The following TERB1 variants were observed in gnomAD, a reference collection of about 807,000 sequenced individuals.
TERB1 encodes telomere repeats-binding bouquet formation protein 1.
In TERB1, 63 loss-of-function variants were observed where a neutral mutation model predicts 92.3. That is an observed-to-expected ratio of 0.68 (90% confidence interval 0.56 to 0.84). The LOEUF (loss-of-function observed/expected upper bound fraction) is 0.84. TERB1 is among the 40% of genes least tolerant of loss of function. The pLI, the probability that TERB1 is intolerant of heterozygous loss-of-function variation, is 0.00. For missense variants in TERB1, 709 were observed against 843.7 expected (o/e 0.84, Z 1.98); for synonymous variants, 252 against 283.9 (o/e 0.89, Z 1.13).
In TERB1 at chr16:66,762,318, C is replaced by T. The variant is rs186883908; in HGVS notation, c.1781-3028G>A. Among the ~76,000 whole-genome samples the T allele has an allele frequency of 2.8e-3, 423 of 152,340 alleles. 1 individual carries two copies. Among genetic ancestry groups the T allele is most frequent in the African/African-American group, 9.9e-3 (411 of 41,586 alleles). Reference sequence around the variant, plus strand: ...ACTGGATTATGACACCTGGAATTTACATTAAAGTATCATTTCATCTGTAAA... The same window carrying T: ...ACTGGATTATGACACCTGGAATTTATATTAAAGTATCATTTCATCTGTAAA... On this transcript the variant is annotated intron_variant, in intron 16 of 18. Coordinates refer to ENST00000433154, the MANE Select transcript of TERB1 (RefSeq NM_001136505.2).
rs576168320 is a variant in TERB1, at chr16:66,781,113, G to A, written c.701-2098C>T. 2.6e-5 allele frequency among the ~76,000 whole-genome samples: 4 copies of A among 152,286 alleles called. No individual in the cohort carries two copies. The South Asian group carries it at 6.2e-4, about 24-fold the overall frequency. ...GTCACCCAGGCTGGAGTGCAGTAGC[G>A]TGATCGTGGCTTACTGTAAGCTTGA... is the stretch of plus-strand genomic sequence containing the variant. On this transcript the variant is annotated intron_variant, in intron 9 of 18. Transcript: ENST00000433154.
At chr16:66,787,615 T>C (rs2018750917) in intron 6 of TERB1, among the ~76,000 whole-genome samples, 1 of 152,184 alleles carries the variant, frequency 6.6e-6, no homozygotes, top group African/African-American at 2.4e-5. Context: ...TGTAACTAAA[T>C]GGTCAATTCA....
intron 12 of TERB1, 38 bp from the exon 13 acceptor site, chr16:66,772,787 T>A: frequency 6.9e-7 from 1 of 1,454,438 alleles, no homozygotes; most frequent in African/African-American, 1.4e-5. Flanking sequence ...TGAAAAGTTA[T>A]TTAAACACTT....
chr16:66,776,329 CAAAAAAA>C (rs377113453), intron 11 of TERB1, among the ~76,000 whole-genome samples: 1 of 89,346 alleles, frequency 1.1e-5, no homozygotes, highest in Non-Finnish European at 2.6e-5. Flanking sequence ...AACTCCGTCT[CAAAAAAA>C]AAAAAAAAGA....
At chr16:66,789,583 C>CAA (rs1168904056) in intron 5 of TERB1, among the ~76,000 whole-genome samples, 60 of 5,662 alleles carry the variant, frequency 0.011, 26 homozygotes, top group South Asian at 0.032. Flanking sequence ...GACTCCGTCT[C>CAA]AAAAAAAAAA....
chr16:66,787,283 C>CTTTTTTT (rs58213946), intron 6 of TERB1, among the ~76,000 whole-genome samples: 4 of 137,890 alleles, frequency 2.9e-5, no homozygotes, highest in Non-Finnish European at 6.3e-5. Flanking sequence ...TTTTCTTTTT[C>CTTTTTTT]TTTTTTTTTT....
chr16:66,785,764 C>T (rs1457015286), intron 9 of TERB1, 22 bp downstream of exon 9: 1 of 1,500,488 alleles, frequency 6.7e-7, no homozygotes, highest in Middle Eastern at 1.7e-4. Context: ...CAACTATGAC[C>T]TAGAAAATAA....
intron 11 of TERB1, among the ~76,000 whole-genome samples, chr16:66,775,482 A>C (rs1318361218): frequency 6.6e-6 from 1 of 151,980 alleles, no homozygotes; most frequent in Non-Finnish European, 1.5e-5. Context: ...AAAAATACAA[A>C]AATTAGCCAG....
intron 2 of TERB1, among the ~76,000 whole-genome samples, chr16:66,799,280 T>G (rs950125605): frequency 6.6e-6 from 1 of 152,252 alleles, no homozygotes; most frequent in East Asian, 1.9e-4. Flanking sequence ...CAGGCTGGAG[T>G]GCAGTGGTGT....
At chr16:66,781,295 G>A (rs1290451366) in intron 9 of TERB1, among the ~76,000 whole-genome samples, 1 of 152,136 alleles carries the variant, frequency 6.6e-6, no homozygotes, top group African/African-American at 2.4e-5. Flanking sequence ...GGGCTCAAGC[G>A]ATTCTCCCTC....
intron 9 of TERB1, among the ~76,000 whole-genome samples, chr16:66,783,146 A>C (rs1051967612): frequency 2.6e-5 from 4 of 152,164 alleles, no homozygotes; most frequent in African/African-American, 9.7e-5. Context: ...AAGGCACTAC[A>C]CCTAGTCTCT....
chr16:66,767,259 A>G (rs188225739), intron 16 of TERB1, among the ~76,000 whole-genome samples, 156 bp downstream of exon 16: 11 of 152,084 alleles, frequency 7.2e-5, no homozygotes, highest in Non-Finnish European at 1.6e-4. Flanking sequence ...GAATTACTTG[A>G]ACCTGGGAGG....
chr16:66,778,844 A>G lies in TERB1; in HGVS notation c.853+19T>C. The stretch of plus-strand genomic sequence containing the variant: ...AACAAAATTCAATTTCAAAAAAACT[A>G]GTAAGCACTGTCACTCACGATTATC... On this transcript the variant is annotated intron_variant, in intron 10 of 18. Transcript: ENST00000433154. 3 of 1,468,130 alleles carry G rather than the reference A, an allele frequency of 2.0e-6. No individual in the cohort carries two copies. The highest frequency in any genetic ancestry group is 2.7e-6 in the Non-Finnish European group (3 of 1,096,488). 90.9% of individuals were successfully genotyped at this position (1,468,130 alleles called of 1,614,324 possible). A position where few individuals can be genotyped will look rare whatever the true frequency, so the allele number is the denominator to read the frequency against.
intron 3 of TERB1, among the ~76,000 whole-genome samples, chr16:66,792,921 A>T (rs1279846880): frequency 1.3e-5 from 2 of 152,118 alleles, no homozygotes; most frequent in Non-Finnish European, 2.9e-5. Flanking sequence ...GTGAGTGGTG[A>T]ATGAATGTGA....
Position 66,755,109 on chromosome 16 carries a change from T to A in TERB1, c.2051A>T (p.Asn684Ile). 1 of 1,550,714 alleles carries A rather than the reference T, an allele frequency of 6.4e-7. No individual in the cohort carries two copies. The highest frequency in any genetic ancestry group is 2.4e-5 in the East Asian group (1 of 40,906). The change falls in exon 19 of 19, where the codon AAT becomes ATT. Residue 684 changes from asparagine (N) to isoleucine (I), a missense_variant. Asn to Ile is a moderately radical substitution (Grantham distance 149, BLOSUM62 -3). Coordinates refer to ENST00000433154, the MANE Select transcript of TERB1 (RefSeq NM_001136505.2). ...GTGATTTCCCATTTTCTTAACTCCATTGAAAAGGTAATTTACTTCTTCTTC... is the reference window on the plus strand; with the variant it reads ...GTGATTTCCCATTTTCTTAACTCCAATGAAAAGGTAATTTACTTCTTCTTC... ...FTEEEVNYLF[N>I]GVKKMGNHWN... is the part of the protein sequence containing the mutation.
chr16:66,798,503 C>T (rs1433217573), intron 2 of TERB1, among the ~76,000 whole-genome samples: 1 of 152,068 alleles, frequency 6.6e-6, no homozygotes, highest in Non-Finnish European at 1.5e-5. Context: ...CTAAATATTA[C>T]ATTACAATAG....
chr16:66,758,303 G>A (rs966451585), intron 18 of TERB1: 1 of 155,670 alleles, frequency 6.4e-6, no homozygotes, highest in Non-Finnish European at 1.4e-5. Flanking sequence ...CAACATGAAG[G>A]GAAGAGGAAA....
chr16:66,770,262 G>A lies in TERB1; in HGVS notation c.1320C>T (p.Asn440=). Residue 440 remains asparagine (N), a synonymous_variant, in exon 14 of 19, where the codon AAC becomes AAT. Coordinates refer to ENST00000433154, the MANE Select transcript of TERB1 (RefSeq NM_001136505.2). ...ENYQDNISSM[N]ISIQNTWKHL... ...GTTTCCATGTATTCTGAATACTTAT[G>A]TTCATAGATGAAATATTATCCTGAT... is the stretch of plus-strand genomic sequence containing the variant. 1 of 1,551,052 alleles carries A rather than the reference G, an allele frequency of 6.4e-7. No individual in the cohort carries two copies. The highest frequency in any genetic ancestry group is 8.7e-7 in the Non-Finnish European group (1 of 1,146,596).
rs1302868211 is a variant in TERB1, at chr16:66,755,126, T to C, written c.2034A>G (p.Glu678=). 1.9e-6 allele frequency: 3 copies of C among 1,548,016 alleles called. No individual in the cohort carries two copies. The African/African-American group carries it at 4.1e-5, about 21-fold the overall frequency. The stretch of plus-strand genomic sequence containing the variant: ...TAACTCCATTGAAAAGGTAATTTAC[T>C]TCTTCTTCAGTAAAGTTTTTGCGAA... The part of the protein sequence containing the change: ...RRIRKNFTEE[E]VNYLFNGVKK... The change falls in exon 19 of 19, where the codon GAA becomes GAG. Residue 678 remains glutamate (E), a synonymous_variant. Coordinates refer to ENST00000433154, the MANE Select transcript of TERB1 (RefSeq NM_001136505.2).
Sources: allele counts gnomAD v4.1 joint callset (sites outside exome capture counted in the v4.1 genomes callset), GRCh38; gene constraint gnomAD v4.1.1; transcripts MANE v1.5; gene names NCBI Gene and HGNC (gene_info 2026-07-23, HGNC 2026-07-21).